NAALADL2: variants seen among roughly 807,000 people sequenced by gnomAD.
NAALADL2 encodes the protein N-acetylated alpha-linked acidic dipeptidase like 2.
NAALADL2 carries 76 observed loss-of-function variants against 87.2 expected under a neutral mutation model. That is an observed-to-expected ratio of 0.87 (90% CI 0.72 to 1.05). The LOEUF (loss-of-function observed/expected upper bound fraction) is 1.05. NAALADL2 is among the 50% of genes least tolerant of loss of function. The pLI is 0.00. For synonymous variants in NAALADL2, 354 were observed against 331.0 expected (o/e 1.07, Z -0.75); for missense variants, 1,089 against 945.8 (o/e 1.15, Z -1.99).
chr3:174,855,541 T>G (rs1725748338), upstream of NAALADL2, among the ~76,000 whole-genome samples: 1 of 152,128 alleles, frequency 6.6e-6, no homozygotes, highest in South Asian at 2.1e-4. Context: ...CTTTTCGCTT[T>G]TAAGCTTTAA....
intron 1 of NAALADL2, among the ~76,000 whole-genome samples, chr3:174,929,118 C>T (rs1012599393): frequency 1.3e-5 from 2 of 152,080 alleles, no homozygotes; most frequent in Admixed American, 6.6e-5. Flanking sequence ...GAGTAGTCAG[C>T]GTCACAGCAT....
chr3:175,744,214 A>G (rs62286111), intron 12 of NAALADL2, among the ~76,000 whole-genome samples: 11,492 of 152,288 alleles, frequency 0.075, 467 homozygotes, highest in Middle Eastern at 0.1. Flanking sequence ...ACAAAACAAA[A>G]CAGAACTGCA....
In NAALADL2 at chr3:175,635,468, G is replaced by A. The variant is rs1018380168; in HGVS notation, c.1896+8082G>A. ...CTGATTTCGACATGTATTTGTTACA[G>A]AATCTAAATATATTACATGCATAAA... On this transcript the variant is annotated intron_variant, in intron 11 of 13. Transcript: ENST00000454872. Among the ~76,000 whole-genome samples the A allele has an allele frequency of 7.2e-5, 11 of 152,182 alleles. 1 individual carries two copies. The South Asian group carries it at 1.4e-3, about 20-fold the overall frequency.
chr3:175,042,947 G>C (rs1037081815), intron 1 of NAALADL2, among the ~76,000 whole-genome samples: 1 of 151,974 alleles, frequency 6.6e-6, no homozygotes, highest in Non-Finnish European at 1.5e-5. Context: ...CTTAAAAAAA[G>C]CCTGGCACCT....
chr3:174,863,009 A>C (rs145338601), intron 1 of NAALADL2, among the ~76,000 whole-genome samples: 4 of 152,048 alleles, frequency 2.6e-5, no homozygotes, highest in Admixed American at 2.6e-4. Context: ...GCAGGAGATA[A>C]CTCTTCAACC....
chr3:174,736,392 A>G (rs1363403417), intron 2 of NAALADL2, among the ~76,000 whole-genome samples: 2 of 152,132 alleles, frequency 1.3e-5, no homozygotes, highest in Non-Finnish European at 2.9e-5. Flanking sequence ...ATTGAGCAGC[A>G]GAATAGCTCA....
chr3:174,638,545 G>A lies in NAALADL2; in HGVS notation c.-115+87908G>A, dbSNP rs552016155. On this transcript the variant is annotated intron_variant, in intron 2 of 3. Coordinates refer to the NAALADL2 transcript ENST00000434257. ...CACATAGAAAATAGCATAACTAGAA[G>A]TATAACTATGGCATAGGAGATGTTG... 3.7e-4 allele frequency among the ~76,000 whole-genome samples: 56 copies of A among 151,952 alleles called. 1 individual carries two copies. In the South Asian group the frequency reaches 0.012, roughly 32 times the overall value.
At chr3:175,493,164 T>C (rs1008826824) in intron 9 of NAALADL2, among the ~76,000 whole-genome samples, 4 of 152,124 alleles carry the variant, frequency 2.6e-5, no homozygotes, top group Non-Finnish European at 4.4e-5. Context: ...AGTGGGGTCA[T>C]GGAGTTTTTG....
At chr3:175,751,618 G>GTAAACCATACTGTA (rs1746635380) in intron 12 of NAALADL2, among the ~76,000 whole-genome samples, 1 of 152,126 alleles carries the variant, frequency 6.6e-6, no homozygotes, top group African/African-American at 2.4e-5. Flanking sequence ...TAGTAATTAA[G>GTAAACCATACTGTA]TAAACCATAC....
intron 10 of NAALADL2, among the ~76,000 whole-genome samples, chr3:175,602,605 A>C (rs1392544733): frequency 6.6e-6 from 1 of 152,102 alleles, no homozygotes; most frequent in African/African-American, 2.4e-5. Flanking sequence ...GCCTGGGAAG[A>C]CTGGAAATGA....
chr3:175,565,086 G>A (rs949882750), intron 9 of NAALADL2, among the ~76,000 whole-genome samples: 1 of 152,166 alleles, frequency 6.6e-6, no homozygotes, highest in African/African-American at 2.4e-5. Flanking sequence ...TTTTCTATAA[G>A]TTGAGGAACT....
rs534387157 is a variant in NAALADL2 at position 175,600,644 on chromosome 3, TCTCCTGCCTCAGC to T, written c.1800+24462_1800+24474del. On this transcript the variant is annotated intron_variant, in intron 10 of 13. Coordinates refer to ENST00000454872, the MANE Select transcript of NAALADL2 (RefSeq NM_207015.3). ...GCTCCGCCTCCCAGGTTCACGCCAT[TCTCCTGCCTCAGC>T]CTCCCGAGTAGCTGGGACTACAGGC... Among the ~76,000 whole-genome samples the T allele has an allele frequency of 3.0e-3, 430 of 142,510 alleles. 2 individuals are homozygous for T. The highest frequency in any genetic ancestry group is 3.8e-3 in the Admixed American group (50 of 13,014). The allele number at this position is 142,510 out of a possible 152,430, so 93.5% of individuals were successfully genotyped here. A position where few individuals can be genotyped will look rare whatever the true frequency, so the allele number is the denominator to read the frequency against.
chr3:175,224,514 T>A (rs1359958135), intron 2 of NAALADL2, among the ~76,000 whole-genome samples: 1 of 152,064 alleles, frequency 6.6e-6, no homozygotes, highest in Admixed American at 6.6e-5. Flanking sequence ...CTTTGCTGAA[T>A]CCAAAATCTA....
At chr3:175,070,157 T>C (rs1715353295) in intron 1 of NAALADL2, among the ~76,000 whole-genome samples, 1 of 151,086 alleles carries the variant, frequency 6.6e-6, no homozygotes, top group African/African-American at 2.4e-5. Flanking sequence ...AAACTTAAAG[T>C]ATAATAATAA....
At chr3:174,543,864 C>T (rs1560043784) in intron 1 of NAALADL2, among the ~76,000 whole-genome samples, 1 of 151,828 alleles carries the variant, frequency 6.6e-6, no homozygotes, top group Admixed American at 6.6e-5. Context: ...AAAAATGTGC[C>T]GAGCGTGGTG....
At chr3:174,525,742 T>A (rs1448394481) in intron 1 of NAALADL2, among the ~76,000 whole-genome samples, 1 of 152,244 alleles carries the variant, frequency 6.6e-6, no homozygotes, top group African/African-American at 2.4e-5. Flanking sequence ...GATTTTCAAC[T>A]TTATTCAGAT....
intron 10 of NAALADL2, among the ~76,000 whole-genome samples, chr3:175,600,450 T>A (rs1295194463): frequency 6.6e-6 from 1 of 150,800 alleles, no homozygotes; most frequent in Non-Finnish European, 1.5e-5. Flanking sequence ...TGAAATGAAT[T>A]AATATTTTTC....
chr3:175,044,961 G>T (rs1754497704), intron 1 of NAALADL2, among the ~76,000 whole-genome samples: 3 of 150,476 alleles, frequency 2.0e-5, no homozygotes, highest in African/African-American at 4.9e-5. Context: ...AAAATTATTT[G>T]ATTATCCCTT....
chr3:175,565,989 C>G (rs1215586049), intron 9 of NAALADL2, among the ~76,000 whole-genome samples: 1 of 151,928 alleles, frequency 6.6e-6, no homozygotes, highest in Non-Finnish European at 1.5e-5. Context: ...GCCACTACAC[C>G]CAGCTAATTT....
Sources: gnomAD v4.1 joint callset for allele counts (sites outside exome capture counted in the v4.1 genomes callset) on GRCh38, gnomAD v4.1.1 for gene constraint, MANE v1.5 for transcripts, NCBI Gene and HGNC (gene_info 2026-07-23, HGNC 2026-07-21) for gene names.